Variants in MAP2 observed in about 807,000 individuals in gnomAD.
MAP2 encodes the protein microtubule associated protein 2.
In MAP2, 14 loss-of-function variants were observed where a neutral mutation model predicts 137.6. The observed-to-expected ratio is 0.10, with a 90% CI of 0.07 to 0.16. The LOEUF (loss-of-function observed/expected upper bound fraction) is 0.16, where lower values mean the gene tolerates loss of function less well. Among genes scored for constraint, MAP2 ranks in the 10% least tolerant of loss-of-function variants. The pLI, the probability that MAP2 is intolerant of heterozygous loss-of-function variation, is 1.00. For missense variants in MAP2, 2,088 were observed against 2,191.5 expected, an observed-to-expected ratio of 0.95 and a Z score of 0.94; for synonymous variants, 786 against 782.3, an observed-to-expected ratio of 1.00 and a Z score of -0.08.
At position 209,694,316 on chromosome 2, in the gene MAP2, T is replaced by C; in HGVS notation, c.2146T>C (p.Phe716Leu). 6.2e-7 allele frequency: 1 copy of C among 1,614,146 alleles called. No individual in the cohort carries two copies. Among genetic ancestry groups the C allele is most frequent in the South Asian group, 1.1e-5 (1 of 91,084 alleles). The change falls in exon 8 of 16, where the codon TTT (phenylalanine) becomes CTT (leucine). Residue 716 changes from phenylalanine to leucine, a missense_variant. Transcript: ENST00000682079. ...TTGCCTAGATTCCATAGCCCTTGGA[T>C]TTAACTTTGGTCGGGGACATGATCT... ...MSCLDSIALG[F>L]NFGRGHDLSP...
In MAP2 at chr2:209,731,355, A is replaced by C. The variant is rs988258785; in HGVS notation, c.*958A>C. ...AAAAAATACATTAAAAAAGACAAAA[A>C]ATTTTAGCATGAAGTTGCTTTCTGT... On this transcript the variant is annotated 3_prime_UTR_variant, in exon 16 of 16. Coordinates refer to ENST00000682079, the MANE Select transcript of MAP2 (RefSeq NM_001375505.1). The C allele has an allele frequency of 1.3e-5, 2 of 152,478 alleles. No individual in the cohort carries two copies. The highest frequency in any genetic ancestry group is 2.4e-5 in the African/African-American group (1 of 41,390). 9.4% of individuals were successfully genotyped at this position (152,478 alleles called of 1,614,324 possible). A position where few individuals can be genotyped will look rare whatever the true frequency, so the allele number is the denominator to read the frequency against.
chr2:209,527,488 G>A (rs1402001149), intron 2 of MAP2, among the ~76,000 whole-genome samples: 4 of 152,028 alleles, frequency 2.6e-5, no homozygotes, highest in Non-Finnish European at 4.4e-5. Context: ...CCTCGCAGCC[G>A]TGTACTCCGC....
chr2:209,573,764 G>T (rs946701707), intron 2 of MAP2, among the ~76,000 whole-genome samples: 3 of 152,054 alleles, frequency 2.0e-5, no homozygotes, highest in African/African-American at 7.2e-5. Flanking sequence ...AAGGCCCTAC[G>T]CATTAGTTGT....
chr2:209,517,441 C>T (rs193146823), intron 2 of MAP2, among the ~76,000 whole-genome samples: 1 of 152,216 alleles, frequency 6.6e-6, no homozygotes, highest in Non-Finnish European at 1.5e-5. Context: ...ACAATGCCAG[C>T]AGATGGCATA....
intron 2 of MAP2, among the ~76,000 whole-genome samples, chr2:209,540,713 G>A (rs189030555): frequency 1.4e-5 from 2 of 141,964 alleles, no homozygotes; most frequent in African/African-American, 5.4e-5. Flanking sequence ...TCATGTCATT[G>A]ACTAAATATA....
At chr2:209,681,176 A>G (rs1217888827) in intron 7 of MAP2, among the ~76,000 whole-genome samples, 1 of 152,152 alleles carries the variant, frequency 6.6e-6, no homozygotes. Flanking sequence ...AAATAAATAT[A>G]AATGTAATCT....
At chr2:209,596,947 G>T (rs575484318) in intron 3 of MAP2, among the ~76,000 whole-genome samples, 1 of 152,232 alleles carries the variant, frequency 6.6e-6, no homozygotes. Context: ...CTGCTTTTGG[G>T]AGATTCATGG....
In MAP2 at chr2:209,730,263, G is replaced by A; in HGVS notation, c.5350G>A (p.Gly1784Ser). The change falls in exon 16 of 16, where the codon GGC becomes AGC. Residue 1784 changes from glycine (G) to serine (S), a missense_variant. Gly to Ser is a moderately conservative substitution (Grantham distance 56, BLOSUM62 0). Coordinates refer to ENST00000682079, the MANE Select transcript of MAP2 (RefSeq NM_001375505.1). ...GGCTGAGATCATTACACAGTCCCCA[G>A]GCAGATCCAGCGTGGCATCACCCCG... ...HGAEIITQSP[G>S]RSSVASPRRL... The A allele has an allele frequency of 3.1e-6, 5 of 1,614,114 alleles. No individual in the cohort carries two copies. Among genetic ancestry groups the A allele is most frequent in the Non-Finnish European group, 3.4e-6 (4 of 1,180,008 alleles).
chr2:209,474,002 A>G (rs918016631), intron 1 of MAP2, among the ~76,000 whole-genome samples: 6 of 152,212 alleles, frequency 3.9e-5, no homozygotes, highest in African/African-American at 1.2e-4. Flanking sequence ...TTCACCACTT[A>G]AGGATCTACT....
At chr2:209,510,920 G>A (rs935647446) in intron 2 of MAP2, among the ~76,000 whole-genome samples, 10 of 151,964 alleles carry the variant, frequency 6.6e-5, no homozygotes, top group Non-Finnish European at 1.5e-4. Flanking sequence ...TGAGAAAGAG[G>A]TTGAGGACCC....
chr2:209,534,533 G>T (rs1054321630), intron 2 of MAP2, among the ~76,000 whole-genome samples: 35 of 152,160 alleles, frequency 2.3e-4, no homozygotes, highest in African/African-American at 5.6e-4. Flanking sequence ...TACCAAGGTA[G>T]CATTGCTTAC....
intron 4 of MAP2, among the ~76,000 whole-genome samples, chr2:209,633,340 G>A (rs190815651): frequency 6.6e-6 from 1 of 152,214 alleles, no homozygotes; most frequent in East Asian, 1.9e-4. Context: ...GGGGCATCTG[G>A]TAGCCTTTTA....
intron 1 of MAP2, among the ~76,000 whole-genome samples, chr2:209,477,052 G>A (rs1305989955): frequency 1.3e-5 from 2 of 152,130 alleles, no homozygotes; most frequent in Non-Finnish European, 2.9e-5. Flanking sequence ...GCTGCCAGCA[G>A]GTTTAACATT....
intron 4 of MAP2, among the ~76,000 whole-genome samples, chr2:209,647,570 A>G (rs973081949): frequency 2.6e-5 from 4 of 152,228 alleles, no homozygotes; most frequent in East Asian, 1.9e-4. Context: ...TAAATCATCA[A>G]TATGTTAGAA....
intron 3 of MAP2, among the ~76,000 whole-genome samples, chr2:209,593,628 A>ATAT (rs1169277266): frequency 1.6e-5 from 1 of 63,430 alleles, no homozygotes; most frequent in East Asian, 4.1e-4. Flanking sequence ...ACAAAAAAAA[A>ATAT]AAAAAAATAT....
intron 3 of MAP2, among the ~76,000 whole-genome samples, chr2:209,583,273 T>G (rs1219265387): frequency 6.6e-6 from 1 of 152,056 alleles, no homozygotes; most frequent in Non-Finnish European, 1.5e-5. Flanking sequence ...TGTATTTTAA[T>G]TTTTATATTT....
intron 3 of MAP2, among the ~76,000 whole-genome samples, chr2:209,582,731 TC>T (rs1458092915): frequency 6.6e-6 from 1 of 152,276 alleles, no homozygotes; most frequent in East Asian, 1.9e-4. Context: ...AAGGAATCTA[TC>T]AAGAAACTTC....
intron 4 of MAP2, among the ~76,000 whole-genome samples, chr2:209,631,830 G>A (rs542301649): frequency 6.6e-6 from 1 of 152,174 alleles, no homozygotes; most frequent in Non-Finnish European, 1.5e-5. Flanking sequence ...GTAAGGGATT[G>A]TGTAGAAGCA....
chr2:209,675,858 C>T (rs948751897), intron 5 of MAP2, among the ~76,000 whole-genome samples: 1 of 151,726 alleles, frequency 6.6e-6, no homozygotes, highest in African/African-American at 2.4e-5. Flanking sequence ...AACAAGAATG[C>T]AGGACCCCCA....
Sources: allele counts gnomAD v4.1 joint callset (sites outside exome capture counted in the v4.1 genomes callset), GRCh38; gene constraint gnomAD v4.1.1; transcripts MANE v1.5; gene names NCBI Gene and HGNC (gene_info 2026-07-23, HGNC 2026-07-21).